Variants in CDH12 observed in about 807,000 individuals in gnomAD.
CDH12 encodes the protein cadherin 12, also known as cadherin-12.
In CDH12, 41 loss-of-function variants were observed where a neutral mutation model predicts 74.1. That is an observed-to-expected ratio of 0.55 (90% CI 0.43 to 0.72). The LOEUF is 0.72. Among genes scored for constraint, CDH12 ranks in the 30% least tolerant of loss-of-function variants. CDH12 has a pLI of 0.00. For synonymous variants in CDH12, 399 were observed against 355.0 expected (o/e 1.12, Z -1.39); for missense variants, 945 against 977.2 (o/e 0.97, Z 0.44).
intron 3 of CDH12, among the ~76,000 whole-genome samples, chr5:22,244,740 A>AAAAGAAAG (rs200900772): frequency 0.098 from 9,090 of 92,288 alleles, 396 homozygotes; most frequent in East Asian, 0.13. Context: ...AGAAAGAAAG[A>AAAAGAAAG]AAAGAAAGAA....
At chr5:21,914,164 C>G (rs539512900) in intron 6 of CDH12, among the ~76,000 whole-genome samples, 1 of 152,182 alleles carries the variant, frequency 6.6e-6, no homozygotes, top group African/African-American at 2.4e-5. Flanking sequence ...GAAATCCACA[C>G]TGAAAGGGGC....
At chr5:21,797,356 C>T (rs1200019540) in intron 10 of CDH12, among the ~76,000 whole-genome samples, 2 of 152,114 alleles carry the variant, frequency 1.3e-5, no homozygotes, top group Non-Finnish European at 2.9e-5. Flanking sequence ...CACTTTAATT[C>T]TTAGTTTTCA....
chr5:22,544,131 AC>A (rs1738215362), intron 1 of CDH12, among the ~76,000 whole-genome samples: 1 of 146,414 alleles, frequency 6.8e-6, no homozygotes, highest in Non-Finnish European at 1.6e-5. Context: ...TGCATCATTT[AC>A]TTTTTTTTTT....
intron 5 of CDH12, among the ~76,000 whole-genome samples, chr5:22,069,029 G>A (rs570371105): frequency 1.3e-5 from 2 of 152,286 alleles, no homozygotes; most frequent in South Asian, 2.1e-4. Context: ...ATCATGGAAG[G>A]AGCAGCATTT....
intron 3 of CDH12, among the ~76,000 whole-genome samples, chr5:22,257,408 T>C (rs939587601): frequency 6.6e-6 from 1 of 151,956 alleles, no homozygotes; most frequent in South Asian, 2.1e-4. Context: ...AAAGAAAATA[T>C]TTTTGTACAT....
At chr5:22,749,587 C>T (rs1252024372) in intron 1 of CDH12, among the ~76,000 whole-genome samples, 1 of 152,108 alleles carries the variant, frequency 6.6e-6, no homozygotes, top group Non-Finnish European at 1.5e-5. Context: ...ATTGGTATTA[C>T]TAGCATGAGT....
rs1191415060 is a variant in CDH12, at chr5:22,014,126, C to T, written c.232-38741G>A. Among the ~76,000 whole-genome samples, 12 of 152,260 alleles carry T rather than the reference C, an allele frequency of 7.9e-5. No individual in the cohort carries two copies. The East Asian group carries it at 2.3e-3, about 29-fold the overall frequency. The stretch of plus-strand genomic sequence containing the variant: ...CCTGTAATTTCAGCTACTTGGGAGG[C>T]TGAAGAAGAAGAATTGCTTGAACCC... On this transcript the variant is annotated intron_variant, in intron 5 of 14. Coordinates refer to ENST00000382254, the MANE Select transcript of CDH12 (RefSeq NM_004061.5).
intron 3 of CDH12, among the ~76,000 whole-genome samples, chr5:22,244,741 AAAGAAAGAAAGAAAG>A (rs1397753415): frequency 2.7e-4 from 1 of 3,672 alleles, no homozygotes; most frequent in African/African-American, 6.8e-4. Flanking sequence ...GAAAGAAAGA[AAAGAAAGAAAGAAAG>A]AAAGAAAGAA....
At chr5:22,230,327 A>AT (rs1752337677) in intron 3 of CDH12, among the ~76,000 whole-genome samples, 1 of 151,898 alleles carries the variant, frequency 6.6e-6, no homozygotes, top group African/African-American at 2.4e-5. Flanking sequence ...TAATATCATT[A>AT]TTTTTCTGGT....
chr5:22,336,096 A>G (rs1739569495), intron 3 of CDH12, among the ~76,000 whole-genome samples: 1 of 152,178 alleles, frequency 6.6e-6, no homozygotes, highest in African/African-American at 2.4e-5. Context: ...ATGTTTTAGC[A>G]AAGAGACTGG....
chr5:22,585,003 C>T (rs1283742694), intron 1 of CDH12, among the ~76,000 whole-genome samples: 1 of 152,182 alleles, frequency 6.6e-6, no homozygotes, highest in Non-Finnish European at 1.5e-5. Flanking sequence ...AGCTAGCTTT[C>T]AGTTCAGTTA....
At chr5:21,903,607 A>G (rs528783739) in intron 6 of CDH12, among the ~76,000 whole-genome samples, 1 of 152,286 alleles carries the variant, frequency 6.6e-6, no homozygotes, top group South Asian at 2.1e-4. Context: ...TTTACTTTCT[A>G]AAAGTTAAAC....
intron 1 of CDH12, among the ~76,000 whole-genome samples, chr5:22,534,467 T>C (rs1450147142): frequency 3.9e-5 from 6 of 152,206 alleles, no homozygotes; most frequent in Non-Finnish European, 8.8e-5. Context: ...TTTCCATTCC[T>C]GAGTTTCTTC....
chr5:22,124,477 C>T (rs1745725653), intron 4 of CDH12, among the ~76,000 whole-genome samples: 1 of 152,078 alleles, frequency 6.6e-6, no homozygotes, highest in Admixed American at 6.5e-5. Flanking sequence ...CATGCCCTTG[C>T]CATCTCATCC....
At chr5:22,631,325 CACAT>C (rs1738572948) in intron 1 of CDH12, among the ~76,000 whole-genome samples, 1 of 152,128 alleles carries the variant, frequency 6.6e-6, no homozygotes, top group Non-Finnish European at 1.5e-5. Context: ...GTCATAAAGA[CACAT>C]GCATGTATAT....
At chr5:22,702,280 C>T (rs1040997243) in intron 1 of CDH12, among the ~76,000 whole-genome samples, 11 of 152,222 alleles carry the variant, frequency 7.2e-5, no homozygotes, top group African/African-American at 2.4e-4. Flanking sequence ...GGCCTAGACC[C>T]ACTAACAATG....
chr5:22,662,354 G>C (rs1740393642), intron 1 of CDH12, among the ~76,000 whole-genome samples: 1 of 152,156 alleles, frequency 6.6e-6, no homozygotes, highest in South Asian at 2.1e-4. Flanking sequence ...AGGAAGTGGA[G>C]TGGAGGCTGC....
At chr5:22,149,646 C>T (rs1747436606) in intron 4 of CDH12, among the ~76,000 whole-genome samples, 2 of 152,272 alleles carry the variant, frequency 1.3e-5, no homozygotes, top group South Asian at 4.1e-4. Context: ...GATCTAATCT[C>T]CAACCTCAAC....
chr5:22,115,359 GT>G (rs1226398659), intron 4 of CDH12, among the ~76,000 whole-genome samples: 1 of 152,098 alleles, frequency 6.6e-6, no homozygotes, highest in Non-Finnish European at 1.5e-5. Context: ...CATTCACGTA[GT>G]TACAAACACA....
Sources: allele counts gnomAD v4.1 joint callset (sites outside exome capture counted in the v4.1 genomes callset), GRCh38; gene constraint gnomAD v4.1.1; transcripts MANE v1.5; gene names NCBI Gene and HGNC (gene_info 2026-07-23, HGNC 2026-07-21).